CEP78: variants seen among roughly 807,000 people sequenced by gnomAD.
CEP78 encodes the protein centrosomal protein 78.
In CEP78, 76 loss-of-function variants were observed where a neutral mutation model predicts 81.2. The ratio of observed to expected loss-of-function variants is 0.94; its 90% CI spans 0.78 to 1.13. The LOEUF (loss-of-function observed/expected upper bound fraction) is 1.13, where lower values mean the gene tolerates loss of function less well. CEP78 is among the 50% of genes most tolerant of loss of function. The pLI, the probability that CEP78 is intolerant of heterozygous loss-of-function variation, is 0.00. For missense variants in CEP78, 918 were observed against 846.8 expected (o/e 1.08, Z -1.04); for synonymous variants, 293 against 301.4 (o/e 0.97, Z 0.29).
rs1221062896 is a variant in CEP78, at chr9:78,253,285, G to C, written c.1251+8G>C. 1 of 1,263,008 alleles carries C rather than the reference G, an allele frequency of 7.9e-7. No individual in the cohort carries two copies. 78.2% of individuals were successfully genotyped at this position (1,263,008 alleles called of 1,614,324 possible). A position where few individuals can be genotyped will look rare whatever the true frequency, so the allele number is the denominator to read the frequency against. On this transcript the variant is annotated splice_region_variant and intron_variant, in intron 10 of 16. Coordinates refer to ENST00000643273, the MANE Select transcript of CEP78 (RefSeq NM_001330691.3). ...ATATGTAATCAGTTGCAGGTACGTA[G>C]TTACCATGTTTATAATATGTAGGGG...
intron 3 of CEP78, among the ~76,000 whole-genome samples, chr9:78,240,740 C>G (rs1160938592): frequency 6.6e-6 from 1 of 152,100 alleles, no homozygotes; most frequent in Admixed American, 6.6e-5. Flanking sequence ...GTGGGCGGAT[C>G]ATGAGGTCAG....
intron 3 of CEP78, among the ~76,000 whole-genome samples, chr9:78,240,775 A>G (rs1321487475): frequency 2.6e-5 from 4 of 152,078 alleles, no homozygotes; most frequent in African/African-American, 7.2e-5. Context: ...CCTGGCTAAC[A>G]TGGTGAAACC....
intron 1 of CEP78, among the ~76,000 whole-genome samples, chr9:78,239,348 T>C (rs965975770): frequency 6.6e-6 from 1 of 152,198 alleles, no homozygotes; most frequent in Admixed American, 6.5e-5. Flanking sequence ...AAAGACATGC[T>C]TAAAGTGGCA....
chr9:78,243,738 C>T, intron 5 of CEP78, 102 bp downstream of exon 5: 1 of 814,886 alleles, frequency 1.2e-6, no homozygotes, highest in East Asian at 3.0e-5. Context: ...TTTTAAAAAG[C>T]CTCTTTTTTC....
intron 8 of CEP78, among the ~76,000 whole-genome samples, 160 bp from the exon 9 acceptor site, chr9:78,251,748 G>T (rs558679879): frequency 2.6e-4 from 39 of 151,274 alleles, no homozygotes; most frequent in South Asian, 2.3e-3. Context: ...ATTTATTACT[G>T]GCCTGTGTAA....
rs1825912067 is a variant in CEP78 at position 78,236,127 on chromosome 9, G to C, written c.-224G>C. 1 of 542,200 alleles carries C rather than the reference G, an allele frequency of 1.8e-6. No individual in the cohort carries two copies. Among genetic ancestry groups the C allele is most frequent in the Non-Finnish European group, 3.2e-6 (1 of 310,170 alleles). The allele number at this position is 542,200 out of a possible 1,614,324, so 33.6% of individuals were successfully genotyped here. On this transcript the variant is annotated 5_prime_UTR_variant, in exon 1 of 17. Transcript: ENST00000643273. ...TATGAGGCGGGCGCCAACTGCTTGG[G>C]CCGCAGGGCGGGAGGCAGCGCGGGA... is the stretch of plus-strand genomic sequence containing the variant.
chr9:78,243,630 C>T lies in CEP78; in HGVS notation c.772C>T (p.Leu258=). The T allele has an allele frequency of 6.2e-7, 1 of 1,611,656 alleles. No individual in the cohort carries two copies. Among genetic ancestry groups the T allele is most frequent in the Non-Finnish European group, 8.5e-7 (1 of 1,178,852 alleles). Residue 258 remains leucine (L), a synonymous_variant, in exon 5 of 17, where the codon CTG becomes TTG. Coordinates refer to ENST00000643273, the MANE Select transcript of CEP78 (RefSeq NM_001330691.3). ...AGACTCTCTCAGTGAGGATTTATGG[C>T]TGAGAGGTAAGTTAAATGAACTTGT... The part of the protein sequence containing the change: ...FADSLSEDLW[L]RALDLQQCGL...
chr9:78,253,153 C>G (rs1476676156), intron 9 of CEP78, 79 bp from the exon 10 acceptor site: 15 of 724,298 alleles, frequency 2.1e-5, no homozygotes, highest in East Asian at 1.9e-4. Context: ...ATACATAATA[C>G]TAGCAAGTGT....
intron 8 of CEP78, 152 bp downstream of exon 8, chr9:78,249,025 A>T (rs1826634859): frequency 5.8e-6 from 2 of 343,984 alleles, no homozygotes; most frequent in Non-Finnish European, 5.4e-6. Context: ...GATTATGAGA[A>T]TTTATGGAAT....
intron 10 of CEP78, chr9:78,253,992 C>T (rs1467410230): frequency 6.6e-6 from 1 of 152,176 alleles, no homozygotes; most frequent in Non-Finnish European, 1.5e-5. Context: ...CATGACTTCT[C>T]TTCTGTACAG....
intron 12 of CEP78, among the ~76,000 whole-genome samples, chr9:78,263,259 A>T (rs181959814): frequency 1.2e-3 from 181 of 152,244 alleles, no homozygotes; most frequent in Admixed American, 1.8e-3. Flanking sequence ...TGATGCATCA[A>T]TTCAAGAATG....
intron 11 of CEP78, among the ~76,000 whole-genome samples, chr9:78,258,035 G>T (rs559017633): frequency 6.6e-6 from 1 of 152,344 alleles, no homozygotes; most frequent in East Asian, 1.9e-4. Context: ...TACTGCCGTG[G>T]TCTGTAGCTT....
chr9:78,251,734 T>C lies in CEP78; in HGVS notation c.1070-174T>C, dbSNP rs13298790. Reference sequence around the variant, plus strand: ...AAGTATATTAAAAATATATTTATTCTTATATTTATTACTGGCCTGTGTAAA... The same window carrying C: ...AAGTATATTAAAAATATATTTATTCCTATATTTATTACTGGCCTGTGTAAA... On this transcript the variant is annotated intron_variant, in intron 8 of 16. Coordinates refer to ENST00000643273, the MANE Select transcript of CEP78 (RefSeq NM_001330691.3). Among the ~76,000 whole-genome samples the C allele has an allele frequency of 0.32, 48,071 of 151,128 alleles. 8,375 individuals are homozygous for C. Among genetic ancestry groups the C allele is most frequent in the Middle Eastern group, 0.44 (126 of 288 alleles).
At chr9:78,240,400 G>A (rs1471282572) in intron 3 of CEP78, 36 bp downstream of exon 3, 1 of 1,514,792 alleles carries the variant, frequency 6.6e-7, no homozygotes, top group Non-Finnish European at 9.0e-7. Flanking sequence ...TGTCCTATCA[G>A]GCTGGTTTCA....
At chr9:78,251,615 C>G (rs1339075750) in intron 8 of CEP78, among the ~76,000 whole-genome samples, 5 of 151,952 alleles carry the variant, frequency 3.3e-5, no homozygotes, top group African/African-American at 1.2e-4. Context: ...TTTGCGTGCT[C>G]TGCATGTCTC....
rs1331446165 is a variant in CEP78, at chr9:78,236,449, C to T, written c.99C>T (p.Ala33=). Residue 33 remains alanine (A), a synonymous_variant, in exon 1 of 17, where the codon GCC becomes GCT. Coordinates refer to ENST00000643273, the MANE Select transcript of CEP78 (RefSeq NM_001330691.3). Reference sequence around the variant, plus strand: ...TGCAGAACTCGGTGCCGCTGCCCGCCGTGCGCGCCTGTCTCCGGGAGGGCG... The same window carrying T: ...TGCAGAACTCGGTGCCGCTGCCCGCTGTGCGCGCCTGTCTCCGGGAGGGCG... ...CALQNSVPLP[A]VRACLREGVL... is the part of the protein sequence containing the mutation. 6 of 1,604,306 alleles carry T rather than the reference C, an allele frequency of 3.7e-6. No individual in the cohort carries two copies. The highest frequency in any genetic ancestry group is 1.3e-5 in the African/African-American group (1 of 74,806).
intron 13 of CEP78, among the ~76,000 whole-genome samples, 152 bp from the exon 14 acceptor site, chr9:78,265,220 G>T (rs1295510711): frequency 6.6e-6 from 1 of 152,232 alleles, no homozygotes; most frequent in Non-Finnish European, 1.5e-5. Flanking sequence ...GAAGGTCTGA[G>T]AAATTGGGAG....
chr9:78,266,693 G>C lies in CEP78; in HGVS notation c.2097G>C (p.Lys699Asn), dbSNP rs1827555859. The C allele has an allele frequency of 1.2e-6, 2 of 1,611,774 alleles. No individual in the cohort carries two copies. The highest frequency in any genetic ancestry group is 2.7e-5 in the African/African-American group (2 of 74,870). The change falls in exon 16 of 17, where the codon AAG becomes AAC. Residue 699 changes from lysine (K) to asparagine (N), a missense_variant. Transcript: ENST00000643273. ...ATAGCAGATCTTCTTCAGAGAAAAAGACCAAAACAGGTGAATATACCAAAA... is the reference window on the plus strand; with the variant it reads ...ATAGCAGATCTTCTTCAGAGAAAAACACCAAAACAGGTGAATATACCAAAA... ...SRNSRSSSEKKTKTESH is the reference protein window; with the variant it reads ...SRNSRSSSEKNTKTESH
chr9:78,250,058 A>G, intron 8 of CEP78: 1 of 380,082 alleles, frequency 2.6e-6, no homozygotes, highest in Non-Finnish European at 4.6e-6. Context: ...TAAAATATAA[A>G]ACATTAGAAA....
Sources: gnomAD v4.1 joint callset for allele counts (sites outside exome capture counted in the v4.1 genomes callset) on GRCh38, gnomAD v4.1.1 for gene constraint, MANE v1.5 for transcripts, NCBI Gene and HGNC (gene_info 2026-07-23, HGNC 2026-07-21) for gene names.